Variants in STX8 observed in about 807,000 individuals in gnomAD.
The protein encoded by STX8 is syntaxin 8.
In STX8, 23 loss-of-function variants were observed where a neutral mutation model predicts 37.5. That is an observed-to-expected ratio of 0.61 (90% CI 0.44 to 0.87). STX8 has a LOEUF of 0.87. Among genes scored for constraint, STX8 ranks in the 40% least tolerant of loss-of-function variants. The pLI is 0.00. For synonymous variants in STX8, 115 were observed against 99.1 expected (o/e 1.16, Z -0.95); for missense variants, 313 against 284.7 (o/e 1.10, Z -0.71).
At chr17:9,260,572 C>T (rs151182958) in intron 7 of STX8, among the ~76,000 whole-genome samples, 4,396 of 151,946 alleles carry the variant, frequency 0.029, 216 homozygotes, top group African/African-American at 0.1. Flanking sequence ...TGCAGTGAGC[C>T]GAGATCGTGC....
intron 6 of STX8, among the ~76,000 whole-genome samples, chr17:9,484,904 G>A (rs1437156619): frequency 1.3e-5 from 2 of 152,106 alleles, no homozygotes; most frequent in African/African-American, 2.4e-5. Context: ...AGTATGGTGG[G>A]GTGTGTAATT....
chr17:9,266,099 T>A (rs1224281753), intron 7 of STX8, among the ~76,000 whole-genome samples: 1 of 152,110 alleles, frequency 6.6e-6, no homozygotes, highest in South Asian at 2.1e-4. Context: ...GAAACTGCCA[T>A]CCTTAAACGT....
intron 4 of STX8, among the ~76,000 whole-genome samples, chr17:9,535,447 T>TC (rs1200841401): frequency 5.4e-5 from 7 of 128,630 alleles, no homozygotes; most frequent in Non-Finnish European, 1.1e-4. Flanking sequence ...TTTTTTTTTT[T>TC]TTTGAGACGG....
chr17:9,546,625 G>A (rs948879363), intron 3 of STX8, among the ~76,000 whole-genome samples: 48 of 83,166 alleles, frequency 5.8e-4, no homozygotes, highest in African/African-American at 2.3e-3. Context: ...TGGAGACGGA[G>A]CCTTGTTCTG....
intron 7 of STX8, among the ~76,000 whole-genome samples, chr17:9,326,334 C>G (rs919541170): frequency 6.6e-6 from 1 of 152,082 alleles, no homozygotes; most frequent in Non-Finnish European, 1.5e-5. Flanking sequence ...GTTGCCCAGG[C>G]TGGTCTCAAA....
intron 6 of STX8, among the ~76,000 whole-genome samples, chr17:9,447,566 G>T (rs767617199): frequency 1.8e-4 from 27 of 152,074 alleles, no homozygotes; most frequent in African/African-American, 6.5e-4. Flanking sequence ...GGGATTACAG[G>T]CACCTGCCAC....
At chr17:9,374,532 T>A (rs1213261959) in intron 7 of STX8, among the ~76,000 whole-genome samples, 1 of 152,186 alleles carries the variant, frequency 6.6e-6, no homozygotes, top group Non-Finnish European at 1.5e-5. Flanking sequence ...AATACTTGAC[T>A]GACCCCCGTA....
chr17:9,296,500 CAAA>C (rs55811417), intron 7 of STX8, among the ~76,000 whole-genome samples: 1 of 123,216 alleles, frequency 8.1e-6, no homozygotes. Context: ...CTCCATCTCT[CAAA>C]AAAAAAAAAA....
At chr17:9,419,591 T>C (rs1913349157) in intron 6 of STX8, among the ~76,000 whole-genome samples, 1 of 152,188 alleles carries the variant, frequency 6.6e-6, no homozygotes, top group African/African-American at 2.4e-5. Flanking sequence ...GAGAATGCTC[T>C]ATCTGGGAAT....
At chr17:9,272,908 C>T (rs12936575) in intron 7 of STX8, among the ~76,000 whole-genome samples, 33,219 of 152,236 alleles carry the variant, frequency 0.22, 4,081 homozygotes, top group Admixed American at 0.29. Flanking sequence ...CGCGCCATTC[C>T]TTGTTCTCTT....
At chr17:9,396,713 T>TG (rs1912416576) in intron 6 of STX8, among the ~76,000 whole-genome samples, 1 of 127,606 alleles carries the variant, frequency 7.8e-6, no homozygotes, top group East Asian at 2.2e-4. Flanking sequence ...AAACACCATC[T>TG]GAAAAAAAAA....
intron 6 of STX8, among the ~76,000 whole-genome samples, chr17:9,400,788 C>T (rs1276024274): frequency 2.0e-5 from 3 of 152,192 alleles, no homozygotes; most frequent in Admixed American, 6.5e-5. Context: ...GTTACTTTTG[C>T]TCTGTTGTAT....
rs548296932 is a variant in STX8, at chr17:9,482,742, C to T, written c.541+9087G>A. 1.5e-4 allele frequency among the ~76,000 whole-genome samples: 23 copies of T among 152,174 alleles called. No individual in the cohort carries two copies. In the East Asian group the frequency reaches 3.3e-3, roughly 22 times the overall value. On this transcript the variant is annotated intron_variant, in intron 6 of 7. Transcript: ENST00000306357. ...CAGCCTGACCAACATGGAGAAACCC[C>T]GTCTCTACTAAAAATACAAAAATTA...
intron 7 of STX8, among the ~76,000 whole-genome samples, chr17:9,276,357 T>C (rs1907675874): frequency 6.6e-6 from 1 of 152,126 alleles, no homozygotes. Flanking sequence ...GTGATTCTGT[T>C]TCATTTTTTC....
intron 6 of STX8, among the ~76,000 whole-genome samples, chr17:9,485,456 T>G (rs1906547517): frequency 6.6e-6 from 1 of 151,986 alleles, no homozygotes; most frequent in African/African-American, 2.4e-5. Flanking sequence ...CCTCAAAGGG[T>G]AAAAAAATGT....
chr17:9,394,898 A>C (rs994881517), intron 6 of STX8, among the ~76,000 whole-genome samples: 18 of 151,116 alleles, frequency 1.2e-4, no homozygotes, highest in Non-Finnish European at 2.1e-4. Context: ...CGACATGATG[A>C]AACCCCATCT....
At chr17:9,528,013 GGAATACAACTGAC>G (rs1905648468) in intron 4 of STX8, among the ~76,000 whole-genome samples, 1 of 152,140 alleles carries the variant, frequency 6.6e-6, no homozygotes, top group African/African-American at 2.4e-5. Context: ...TTTATATTGT[GGAATACAACTGAC>G]GAATTTGTCA....
chr17:9,280,064 T>TA (rs894058196), intron 7 of STX8, among the ~76,000 whole-genome samples: 2 of 151,870 alleles, frequency 1.3e-5, no homozygotes, highest in African/African-American at 4.8e-5. Flanking sequence ...CTATAAAAAA[T>TA]ACAAAAATCA....
Position 9,517,550 on chromosome 17 carries a change from A to G in STX8, c.324-12388T>C, listed in dbSNP as rs371152631. ...CTGACAAGAAAACTAAGGCAGAGAC[A>G]TCCAGTGGCTTCCTCAGGGCCACCC... On this transcript the variant is annotated intron_variant, in intron 4 of 7. Coordinates refer to ENST00000306357, the MANE Select transcript of STX8 (RefSeq NM_004853.3). Among the ~76,000 whole-genome samples the G allele has an allele frequency of 7.2e-5, 11 of 152,244 alleles. No homozygotes were observed. The East Asian group carries it at 1.7e-3, about 24-fold the overall frequency.
Sources: allele counts gnomAD v4.1 joint callset (sites outside exome capture counted in the v4.1 genomes callset), GRCh38; gene constraint gnomAD v4.1.1; transcripts MANE v1.5; gene names NCBI Gene and HGNC (gene_info 2026-07-23, HGNC 2026-07-21).